The following COL22A1 variants were observed in gnomAD, a reference collection of about 807,000 sequenced individuals.
The protein encoded by COL22A1 is collagen alpha-1(XXII) chain.
In COL22A1, 221 loss-of-function variants were observed where a neutral mutation model predicts 248.9. The ratio of observed to expected loss-of-function variants is 0.89; its 90% CI spans 0.80 to 0.99. COL22A1 has a LOEUF of 0.99. Among genes scored for constraint, COL22A1 ranks in the 50% least tolerant of loss-of-function variants. The pLI is 0.00. For synonymous variants in COL22A1, 891 were observed against 793.4 expected (o/e 1.12, Z -2.07); for missense variants, 2,240 against 2,179.0 (o/e 1.03, Z -0.56).
intron 10 of COL22A1, among the ~76,000 whole-genome samples, chr8:138,804,363 G>A (rs1016072083): frequency 6.6e-6 from 1 of 152,204 alleles, no homozygotes; most frequent in African/African-American, 2.4e-5. Flanking sequence ...CCAGGTGGCT[G>A]CATCAGTTGC....
At chr8:138,849,924 T>C (rs1821506652) in intron 3 of COL22A1, among the ~76,000 whole-genome samples, 1 of 152,198 alleles carries the variant, frequency 6.6e-6, no homozygotes, top group South Asian at 2.1e-4. Flanking sequence ...AATCGCTGTG[T>C]GTAATGTCAG....
intron 12 of COL22A1, among the ~76,000 whole-genome samples, chr8:138,793,948 G>T (rs1237978191): frequency 5.9e-5 from 9 of 152,200 alleles, no homozygotes; most frequent in African/African-American, 1.4e-4. Flanking sequence ...GCACGGTATT[G>T]CCTGGCAGGT....
intron 4 of COL22A1, among the ~76,000 whole-genome samples, chr8:138,835,995 G>A (rs1820403200): frequency 6.6e-6 from 1 of 152,222 alleles, no homozygotes. Context: ...AGTCAGCCAA[G>A]CACAATGGCT....
intron 4 of COL22A1, among the ~76,000 whole-genome samples, chr8:138,835,094 T>G (rs1820331045): frequency 1.3e-5 from 2 of 152,118 alleles, no homozygotes; most frequent in Admixed American, 1.3e-4. Flanking sequence ...CCTGCGATGG[T>G]CTGGGAAGGG....
intron 27 of COL22A1, among the ~76,000 whole-genome samples, chr8:138,718,379 C>T (rs1829607722): frequency 1.3e-5 from 2 of 152,118 alleles, no homozygotes; most frequent in African/African-American, 4.8e-5. Context: ...TTCTTACATG[C>T]TGAGAAAGGA....
chr8:138,715,084 A>G (rs1209923473), intron 30 of COL22A1, among the ~76,000 whole-genome samples: 1 of 152,232 alleles, frequency 6.6e-6, no homozygotes, highest in Non-Finnish European at 1.5e-5. Context: ...TGCATGTCAC[A>G]GGCACAAAAG....
intron 45 of COL22A1, among the ~76,000 whole-genome samples, chr8:138,653,685 A>G (rs1317436277): frequency 6.6e-6 from 1 of 152,194 alleles, no homozygotes; most frequent in Non-Finnish European, 1.5e-5. Flanking sequence ...ACTACCAGAA[A>G]GAGATATATG....
Position 138,795,528 on chromosome 8 carries a change from G to GACACACACACACACACACACACAC in COL22A1, c.1596+1267_1596+1290dup, listed in dbSNP as rs6150850. Among the ~76,000 whole-genome samples the GACACACACACACACACACACACAC allele has an allele frequency of 3.3e-3, 485 of 144,846 alleles. 7 individuals carry two copies. Among genetic ancestry groups the GACACACACACACACACACACACAC allele is most frequent in the African/African-American group, 0.012 (458 of 38,904 alleles). On this transcript the variant is annotated intron_variant, in intron 12 of 64. Coordinates refer to ENST00000303045, the MANE Select transcript of COL22A1 (RefSeq NM_152888.3). ...CTCTGTCTCTCCTCTCTCTCTTTCA[G>GACACACACACACACACACACACAC]ACACACACACACACACACACACACA...
chr8:138,698,428 C>T (rs1015744530), intron 32 of COL22A1, among the ~76,000 whole-genome samples: 2 of 152,216 alleles, frequency 1.3e-5, no homozygotes, highest in Non-Finnish European at 2.9e-5. Context: ...GTGCCACTCC[C>T]TCAAGGCTGT....
At chr8:138,777,630 G>A (rs867426733) in intron 15 of COL22A1, among the ~76,000 whole-genome samples, 1 of 152,054 alleles carries the variant, frequency 6.6e-6, no homozygotes, top group Non-Finnish European at 1.5e-5. Context: ...TTGGTTTTCT[G>A]TTCCTGTGTT....
intron 1 of COL22A1, among the ~76,000 whole-genome samples, chr8:138,884,440 G>C (rs1824487128): frequency 6.6e-6 from 1 of 152,206 alleles, no homozygotes; most frequent in Admixed American, 6.5e-5. Flanking sequence ...TGTTTGCAAT[G>C]GTAGCGAAGT....
chr8:138,865,548 C>T (rs1292533719), intron 3 of COL22A1, among the ~76,000 whole-genome samples: 1 of 130,088 alleles, frequency 7.7e-6, no homozygotes, highest in Non-Finnish European at 1.6e-5. Flanking sequence ...TGTTTGTATG[C>T]CTGTGAGTGT....
chr8:138,765,391 A>G (rs935897220), intron 16 of COL22A1, among the ~76,000 whole-genome samples: 9 of 152,194 alleles, frequency 5.9e-5, no homozygotes, highest in African/African-American at 2.2e-4. Flanking sequence ...AGGCACATAG[A>G]AACTTAGCGG....
At chr8:138,676,829 A>G (rs1825599881) in intron 40 of COL22A1, among the ~76,000 whole-genome samples, 194 bp from the exon 41 acceptor site, 1 of 152,266 alleles carries the variant, frequency 6.6e-6, no homozygotes, top group African/African-American at 2.4e-5. Context: ...CACAGCCACC[A>G]ACTCAGATTA....
chr8:138,854,310 G>T (rs1245256257), intron 3 of COL22A1, among the ~76,000 whole-genome samples: 1 of 152,156 alleles, frequency 6.6e-6, no homozygotes, highest in Non-Finnish European at 1.5e-5. Context: ...TAGGCCACAG[G>T]GAACAGAAAG....
chr8:138,619,295 G>A (rs572824205), intron 53 of COL22A1, among the ~76,000 whole-genome samples, 160 bp downstream of exon 53: 1 of 152,214 alleles, frequency 6.6e-6, no homozygotes, highest in Non-Finnish European at 1.5e-5. Context: ...TATGTAGTGT[G>A]GCAAAGCTGA....
chr8:138,907,946 G>A (rs1280819149), intron 1 of COL22A1, among the ~76,000 whole-genome samples: 6 of 152,154 alleles, frequency 3.9e-5, no homozygotes, highest in Non-Finnish European at 8.8e-5. Context: ...CTGCTGCAAT[G>A]GGGATGAAGT....
At chr8:138,743,173 G>A in intron 22 of COL22A1, among the ~76,000 whole-genome samples, 1 of 151,642 alleles carries the variant, frequency 6.6e-6, no homozygotes, top group Non-Finnish European at 1.5e-5. Flanking sequence ...TGATCACGAT[G>A]GTGATGGTGG....
chr8:138,857,883 C>G (rs567566888), intron 3 of COL22A1, among the ~76,000 whole-genome samples: 32 of 152,336 alleles, frequency 2.1e-4, no homozygotes, highest in African/African-American at 7.7e-4. Context: ...CCCAGTGCCT[C>G]CTTCCCATAA....
Sources: gnomAD v4.1 joint callset for allele counts (sites outside exome capture counted in the v4.1 genomes callset) on GRCh38, gnomAD v4.1.1 for gene constraint, MANE v1.5 for transcripts, NCBI Gene and HGNC (gene_info 2026-07-23, HGNC 2026-07-21) for gene names.